The following XCL1 variants were observed in gnomAD, a reference collection of about 807,000 sequenced individuals.
XCL1 encodes the protein lymphotactin.
In XCL1, 6 loss-of-function variants were observed where a neutral mutation model predicts 7.4. The ratio of observed to expected loss-of-function variants is 0.82; its 90% CI spans 0.45 to 1.61. The LOEUF is 1.61. Ranked by LOEUF, XCL1 falls within the 40% of genes most tolerant of loss-of-function variation. The pLI is 0.01. For synonymous variants in XCL1, 48 were observed against 52.4 expected (o/e 0.92, Z 0.36); for missense variants, 122 against 138.2 (o/e 0.88, Z 0.59).
intron 1 of XCL1, among the ~76,000 whole-genome samples, chr1:168,579,594 A>G (rs1431838304): frequency 6.6e-6 from 1 of 151,930 alleles, no homozygotes; most frequent in Admixed American, 6.6e-5. Context: ...TGGTACTGTA[A>G]CATGTTGCAC....
At chr1:168,580,549 T>A (rs961743397) in intron 2 of XCL1, among the ~76,000 whole-genome samples, 4 of 151,828 alleles carry the variant, frequency 2.6e-5, no homozygotes, top group African/African-American at 7.3e-5. Context: ...AGTCCCATAC[T>A]TTTATCAGTT....
chr1:168,579,959 T>C, intron 1 of XCL1, 104 bp from the exon 2 acceptor site: 3 of 1,241,144 alleles, frequency 2.4e-6, no homozygotes, highest in East Asian at 5.2e-5. Context: ...GCAAATGGCC[T>C]TAAATTCTCA....
Position 168,581,103 on chromosome 1 carries a change from G to C in XCL1, c.228G>C (p.Trp76Cys). The C allele has an allele frequency of 3.1e-6, 5 of 1,613,792 alleles. No homozygotes were observed. The highest frequency in any genetic ancestry group is 4.2e-6 in the Non-Finnish European group (5 of 1,179,782). ...TCTGTGCTGATCCACAAGCCACATG[G>C]GTGAGAGACGTGGTCAGGAGCATGG... ...LKVCADPQAT[W>C]VRDVVRSMDR... Residue 76 changes from tryptophan to cysteine, a missense_variant, in exon 3 of 3, where the codon TGG becomes TGC. Physicochemically the swap from Trp to Cys is radical, Grantham distance 215 (BLOSUM62 -2). Transcript: ENST00000367818.
In XCL1 at chr1:168,576,623, A is replaced by G. The variant is rs1655029323; in HGVS notation, c.-15A>G. 1.9e-6 allele frequency: 3 copies of G among 1,613,206 alleles called. No individual in the cohort carries two copies. The highest frequency in any genetic ancestry group is 1.3e-5 in the African/African-American group (1 of 74,790). On this transcript the variant is annotated 5_prime_UTR_variant, in exon 1 of 3. Transcript: ENST00000367818. ...GATCCTCACTCTCCTTGCACAGCTC[A>G]GCAGGACCTCAGCCATGAGACTTCT...
At chr1:168,577,790 G>T (rs777920754) in intron 1 of XCL1, among the ~76,000 whole-genome samples, 2 of 152,188 alleles carry the variant, frequency 1.3e-5, no homozygotes, top group Non-Finnish European at 1.5e-5. Flanking sequence ...ATCTGAGTAG[G>T]GGAAAGGAGC....
chr1:168,581,185 C>T lies in XCL1; in HGVS notation c.310C>T (p.Gln104Ter). ...MIQTKPTGTQ[Q>*]STNTAVTLTG is the part of the protein sequence containing the mutation. ...CCAGACCAAGCCAACAGGAACCCAGCAATCGACCAATACAGCTGTGACTCT... is the reference window on the plus strand; with the variant it reads ...CCAGACCAAGCCAACAGGAACCCAGTAATCGACCAATACAGCTGTGACTCT... Residue 104 changes from glutamine to a stop codon, truncating the protein, a stop_gained, in exon 3 of 3, where the codon CAA becomes TAA. Transcript: ENST00000367818. LOFTEE classifies it low-confidence loss of function (END_TRUNC). 6.2e-7 allele frequency: 1 copy of T among 1,613,794 alleles called. No individual in the cohort carries two copies. The highest frequency in any genetic ancestry group is 2.2e-5 in the East Asian group (1 of 44,870).
At chr1:168,579,052 A>C (rs922630710) in intron 1 of XCL1, 35 of 409,892 alleles carry the variant, frequency 8.5e-5, no homozygotes, top group Non-Finnish European at 1.5e-4. Context: ...TAGTGGGGAC[A>C]ACCCCTTTGC....
chr1:168,577,765 T>C (rs1655055966), intron 1 of XCL1, among the ~76,000 whole-genome samples: 1 of 152,170 alleles, frequency 6.6e-6, no homozygotes, highest in Non-Finnish European at 1.5e-5. Flanking sequence ...GGCATACCAT[T>C]TGAGGGAGAC....
rs1476638814 is a variant in XCL1 at position 168,579,648 on chromosome 1, C to T, written c.62-415C>T. 3.9e-5 allele frequency among the ~76,000 whole-genome samples: 6 copies of T among 151,950 alleles called. No individual in the cohort carries two copies. The South Asian group carries it at 8.3e-4, about 21-fold the overall frequency. ...CTGTTTGCCTGTCTGCTGCCTGGCT[C>T]CCTCATGAGAAGATATGCTCTATGA... is the stretch of plus-strand genomic sequence containing the variant. On this transcript the variant is annotated intron_variant, in intron 1 of 2. Transcript: ENST00000367818.
Position 168,578,092 on chromosome 1 carries a change from T to C in XCL1, c.61+1394T>C, listed in dbSNP as rs1055186226. Among the ~76,000 whole-genome samples the C allele has an allele frequency of 2.8e-4, 42 of 152,180 alleles. 1 individual carries two copies. The highest frequency in any genetic ancestry group is 8.9e-4 in the African/African-American group (37 of 41,422). On this transcript the variant is annotated intron_variant, in intron 1 of 2. Coordinates refer to ENST00000367818, the MANE Select transcript of XCL1 (RefSeq NM_002995.3). ...ATACTTCACAGAGAGAAATATTGTTTCTTAAATATGAGAGAAACAGAGAAA... is the reference window on the plus strand; with the variant it reads ...ATACTTCACAGAGAGAAATATTGTTCCTTAAATATGAGAGAAACAGAGAAA...
chr1:168,578,796 G>T (rs752720479), intron 1 of XCL1: 1 of 464,298 alleles, frequency 2.2e-6, no homozygotes. Flanking sequence ...CTTAGCCAAA[G>T]CTCCTTTGTC....
intron 1 of XCL1, chr1:168,578,884 G>A (rs1655087483): frequency 1.0e-5 from 4 of 388,362 alleles, no homozygotes; most frequent in African/African-American, 6.3e-5. Context: ...CTTACCCCTT[G>A]ATAATGCATT....
intron 1 of XCL1, 92 bp downstream of exon 1, chr1:168,576,790 A>G (rs143444344): frequency 0.016 from 24,596 of 1,578,760 alleles, 283 homozygotes; most frequent in Non-Finnish European, 0.017. Flanking sequence ...GACTGGACTA[A>G]CCTGCTTTCC....
intron 1 of XCL1, chr1:168,579,074 T>G (rs1435470616): frequency 7.1e-6 from 3 of 422,792 alleles, no homozygotes; most frequent in Non-Finnish European, 9.4e-6. Flanking sequence ...AGCAGCTTTC[T>G]TCTCAGCCTG....
intron 1 of XCL1, 27 bp from the exon 2 acceptor site, chr1:168,580,036 T>A: frequency 6.3e-7 from 1 of 1,595,312 alleles, no homozygotes. Flanking sequence ...TATTTTTAAT[T>A]GTCTGTTGTT....
intron 1 of XCL1, 135 bp from the exon 2 acceptor site, chr1:168,579,928 A>T (rs933074453): frequency 4.1e-6 from 3 of 740,354 alleles, no homozygotes; most frequent in Non-Finnish European, 4.2e-6. Flanking sequence ...GATGCCTATC[A>T]GTCCTCTCTT....
chr1:168,578,865 T>G (rs894421520), intron 1 of XCL1: 3 of 401,958 alleles, frequency 7.5e-6, no homozygotes. Flanking sequence ...GATGTCCCAG[T>G]CTTGCCTTCT....
intron 2 of XCL1, among the ~76,000 whole-genome samples, chr1:168,580,402 C>T (rs1426657624): frequency 6.6e-6 from 1 of 152,156 alleles, no homozygotes; most frequent in Non-Finnish European, 1.5e-5. Flanking sequence ...AGAAGTCCTC[C>T]TCTATTTAGC....
intron 1 of XCL1, chr1:168,579,389 C>G (rs138215901): frequency 1.1e-5 from 2 of 178,538 alleles, no homozygotes; most frequent in East Asian, 3.4e-4. Context: ...TTCCTCACGA[C>G]GGCAGGGTCT....
Sources: allele counts gnomAD v4.1 joint callset (sites outside exome capture counted in the v4.1 genomes callset), GRCh38; gene constraint gnomAD v4.1.1; transcripts MANE v1.5; gene names NCBI Gene and HGNC (gene_info 2026-07-23, HGNC 2026-07-21).